PPARGC1B: variants seen among roughly 807,000 people sequenced by gnomAD.
The protein encoded by PPARGC1B is peroxisome proliferator-activated receptor gamma coactivator 1-beta.
A neutral mutation model predicts 101.6 loss-of-function variants in PPARGC1B; 34 were observed. The ratio of observed to expected loss-of-function variants is 0.33; its 90% confidence interval spans 0.25 to 0.45. The LOEUF is 0.45. PPARGC1B is among the 20% of genes least tolerant of loss of function. The pLI, the probability that PPARGC1B is intolerant of heterozygous loss-of-function variation, is 1.00. For missense variants in PPARGC1B, 1,234 were observed against 1,317.6 expected (o/e 0.94, Z 0.98); for synonymous variants, 548 against 539.3 (o/e 1.02, Z -0.22).
chr5:149,832,880 T>C lies in PPARGC1B; in HGVS notation c.807T>C (p.Ala269=). The stretch of plus-strand genomic sequence containing the variant: ...CAGCCTCTCCCCGGGACTCCCTAGC[T>C]CTGGGCAGGGCAGACCCCGGTGCCC... The part of the protein sequence containing the change: ...PAPASPRDSL[A]LGRADPGAPV... The change falls in exon 5 of 12, where the codon GCT becomes GCC. Residue 269 remains alanine, a synonymous_variant. Coordinates refer to ENST00000309241, the MANE Select transcript of PPARGC1B (RefSeq NM_133263.4). This position sits in a 1 kb window ranked among gnomAD's most constrained non-coding sequence, Gnocchi z 4.9. The C allele has an allele frequency of 6.2e-7, 1 of 1,612,736 alleles. No homozygotes were observed. Among genetic ancestry groups the C allele is most frequent in the South Asian group, 1.1e-5 (1 of 90,972 alleles).
chr5:149,855,539 C>T (rs1010941571), downstream of PPARGC1B, among the ~76,000 whole-genome samples: 1 of 152,144 alleles, frequency 6.6e-6, no homozygotes, highest in African/African-American at 2.4e-5. Context: ...TTTGTAATTA[C>T]AAAATGGTTT....
intron 1 of PPARGC1B, among the ~76,000 whole-genome samples, chr5:149,797,887 C>T (rs906528489): frequency 3.3e-5 from 5 of 152,112 alleles, no homozygotes; most frequent in Non-Finnish European, 4.4e-5. Flanking sequence ...CACCATTGCA[C>T]CCAGCCTGGG....
Position 149,854,406 on chromosome 5 carries a change from TGG to T in PPARGC1B, c.*6849_*6850del, listed in dbSNP as rs1759886472. The T allele has an allele frequency of 6.6e-6, 1 of 151,834 alleles. No homozygotes were observed. The highest frequency in any genetic ancestry group is 1.5e-5 in the Non-Finnish European group (1 of 67,926). The allele number at this position is 151,834 out of a possible 1,614,324, so 9.4% of individuals were successfully genotyped here. On this transcript the variant is annotated 3_prime_UTR_variant, in exon 12 of 12. Coordinates refer to ENST00000309241, the MANE Select transcript of PPARGC1B (RefSeq NM_133263.4). ...GTGTGTTTGTGTGTGTGTGTGTGTG[TGG>T]AATTACATTGATGCATTTATTGAGA...
chr5:149,780,237 C>T (rs1031706312), intron 1 of PPARGC1B, among the ~76,000 whole-genome samples: 11 of 152,358 alleles, frequency 7.2e-5, no homozygotes, highest in South Asian at 2.1e-4. Flanking sequence ...GCCAGAGCCC[C>T]GTGTGACCAC....
In PPARGC1B at chr5:149,820,461, A is replaced by G; in HGVS notation, c.107A>G (p.Tyr36Cys). 6.2e-7 allele frequency: 1 copy of G among 1,613,982 alleles called. No homozygotes were observed. Among genetic ancestry groups the G allele is most frequent in the South Asian group, 1.1e-5 (1 of 91,070 alleles). The change falls in exon 2 of 12, where the codon TAT (tyrosine) becomes TGT (cysteine). Residue 36 changes from tyrosine (Y) to cysteine (C), a missense_variant. Coordinates refer to ENST00000309241, the MANE Select transcript of PPARGC1B (RefSeq NM_133263.4). ...GGAGGGTCCGGGGAGGAGCAACTCTATGCTGACTTTCCAGAACTTGACCTC... is the reference window on the plus strand; with the variant it reads ...GGAGGGTCCGGGGAGGAGCAACTCTGTGCTGACTTTCCAGAACTTGACCTC... ...QGGGSGEEQL[Y>C]ADFPELDLSQ... is the part of the protein sequence containing the mutation.
At position 149,837,166 on chromosome 5, in the gene PPARGC1B, G is replaced by T; in HGVS notation, c.2618+93G>T. 1 of 1,504,388 alleles carries T rather than the reference G, an allele frequency of 6.6e-7. No homozygotes were observed. 93.2% of individuals were successfully genotyped at this position (1,504,388 alleles called of 1,614,324 possible). ...CCCCAGGAGGGAGGATCCCTGGGAA[G>T]CTTGCTCTGAAACTGAGGCTGCATC... On this transcript the variant is annotated intron_variant, in intron 8 of 11. Coordinates refer to ENST00000309241, the MANE Select transcript of PPARGC1B (RefSeq NM_133263.4). The surrounding 1 kb of genome is among the most constrained non-coding windows in gnomAD (Gnocchi z 4.2).
chr5:149,754,776 T>C, intron 1 of PPARGC1B, among the ~76,000 whole-genome samples: 1 of 4,574 alleles, frequency 2.2e-4, no homozygotes, highest in Non-Finnish European at 7.0e-4. Context: ...GCATCCTGAT[T>C]TTTTTTTTTT....
In PPARGC1B at chr5:149,847,843, G is replaced by A. The variant is rs895265882; in HGVS notation, c.*285G>A. On this transcript the variant is annotated 3_prime_UTR_variant, in exon 12 of 12. Transcript: ENST00000309241. ...GGGTGCACCTCGAAGTGCCGGGTCC[G>A]TCACCCATCGCCCCTTCCTTCCCGA... The A allele has an allele frequency of 2.0e-5, 9 of 439,730 alleles. No individual in the cohort carries two copies. The highest frequency in any genetic ancestry group is 3.9e-5 in the African/African-American group (2 of 51,148). The allele number at this position is 439,730 out of a possible 1,614,324, so 27.2% of individuals were successfully genotyped here. A position where few individuals can be genotyped will look rare whatever the true frequency, so the allele number is the denominator to read the frequency against.
chr5:149,818,895 G>A (rs2113349732), intron 1 of PPARGC1B: 1 of 456,528 alleles, frequency 2.2e-6, no homozygotes. Context: ...GAAGGGACTT[G>A]CCCAAAGTCC....
intron 1 of PPARGC1B, among the ~76,000 whole-genome samples, chr5:149,754,988 T>TAC (rs1171455295): frequency 2.7e-5 from 4 of 147,692 alleles, no homozygotes; most frequent in Non-Finnish European, 5.9e-5. Flanking sequence ...ACTATATATA[T>TAC]ACACACATAT....
At chr5:149,754,508 G>C (rs895811090) in intron 1 of PPARGC1B, among the ~76,000 whole-genome samples, 39 of 152,280 alleles carry the variant, frequency 2.6e-4, no homozygotes, top group African/African-American at 9.1e-4. Flanking sequence ...CAGTATAAAA[G>C]TGTTTTTAAA....
chr5:149,767,612 C>G (rs573159457), intron 1 of PPARGC1B, among the ~76,000 whole-genome samples: 1 of 152,190 alleles, frequency 6.6e-6, no homozygotes, highest in African/African-American at 2.4e-5. Context: ...GTAAGAAAGC[C>G]TGTCTTAACA....
At chr5:149,731,731 C>A (rs1256431297) in intron 1 of PPARGC1B, among the ~76,000 whole-genome samples, 6 of 152,240 alleles carry the variant, frequency 3.9e-5, no homozygotes, top group African/African-American at 1.4e-4. Flanking sequence ...GAGAGGCTTG[C>A]AAGCTGACTC....
rs201569269 is a variant in PPARGC1B at position 149,830,845 on chromosome 5, G to A, written c.544G>A (p.Ala182Thr). Residue 182 changes from alanine (A) to threonine (T), a missense_variant, in exon 4 of 12, where the codon GCA becomes ACA. Physicochemically the swap from Ala to Thr is moderately conservative, Grantham distance 58. Transcript: ENST00000309241. Reference sequence around the variant, plus strand: ...GAAGGAAGGGACCGCCTGGCGCCAGGCAGGCCTCAGATCTAAAAGTCAACG... The same window carrying A: ...GAAGGAAGGGACCGCCTGGCGCCAGACAGGCCTCAGATCTAAAAGTCAACG... ...TQKEGTAWRQAGLRSKSQRPC... is the reference protein window; with the variant it reads ...TQKEGTAWRQTGLRSKSQRPC... 5 of 1,614,064 alleles carry A rather than the reference G, an allele frequency of 3.1e-6. No homozygotes were observed. The Admixed American group carries it at 8.3e-5, about 27-fold the overall frequency.
At position 149,737,722 on chromosome 5, in the gene PPARGC1B, A is replaced by G. The variant is rs149831732; in HGVS notation, c.78+7302A>G. On this transcript the variant is annotated intron_variant, in intron 1 of 11. Coordinates refer to ENST00000309241, the MANE Select transcript of PPARGC1B (RefSeq NM_133263.4). The stretch of plus-strand genomic sequence containing the variant: ...AGATTGTTGTGAAGAGGCCGGGCAC[A>G]GTGGCTTACGCCTGTAATCCCAGCG... 2.0e-3 allele frequency among the ~76,000 whole-genome samples: 306 copies of G among 152,368 alleles called. 3 individuals are homozygous for G. Among genetic ancestry groups the G allele is most frequent in the Middle Eastern group, 0.01 (3 of 294 alleles).
intron 1 of PPARGC1B, among the ~76,000 whole-genome samples, chr5:149,749,812 A>G (rs925272499): frequency 1.1e-4 from 16 of 152,104 alleles, no homozygotes; most frequent in Non-Finnish European, 2.2e-4. Flanking sequence ...GTGACTCATT[A>G]TCTTTCTAAA....
At chr5:149,846,381 C>A (rs747672456) in intron 11 of PPARGC1B, 1 of 202,056 alleles carries the variant, frequency 4.9e-6, no homozygotes, top group African/African-American at 2.3e-5. Flanking sequence ...TGCCTGTAAT[C>A]CCATCACCTT....
chr5:149,820,089 G>A (rs1758223319), intron 1 of PPARGC1B, among the ~76,000 whole-genome samples: 1 of 152,092 alleles, frequency 6.6e-6, no homozygotes, highest in African/African-American at 2.4e-5. Context: ...CTTATAAGTG[G>A]GGACATATGT....
downstream of PPARGC1B, among the ~76,000 whole-genome samples, chr5:149,855,223 CAG>C (rs1759917359): frequency 6.6e-6 from 1 of 152,158 alleles, no homozygotes; most frequent in Non-Finnish European, 1.5e-5. Context: ...GTGCCAGGCA[CAG>C]GGGCTGAGGT....
Sources: gnomAD v4.1 joint callset for allele counts (sites outside exome capture counted in the v4.1 genomes callset) on GRCh38, gnomAD v4.1.1 for gene constraint, Gnocchi (gnomAD v3.1) non-coding constraint, MANE v1.5 for transcripts, NCBI Gene and HGNC (gene_info 2026-07-23, HGNC 2026-07-21) for gene names.